YWHAQ: variants seen among roughly 807,000 people sequenced by gnomAD.
The protein encoded by YWHAQ is 14-3-3 protein theta.
In YWHAQ, 6 loss-of-function variants were observed where a neutral mutation model predicts 28.3. That is an observed-to-expected ratio of 0.21 (90% CI 0.12 to 0.42). The LOEUF (loss-of-function observed/expected upper bound fraction) is 0.42. YWHAQ is among the 10% of genes least tolerant of loss of function. The probability of loss-of-function intolerance (pLI) is 1.00; values close to 1 mark genes in which losing one functional copy is unlikely to be tolerated. For synonymous variants in YWHAQ, 143 were observed against 119.1 expected, an observed-to-expected ratio of 1.20 and a Z score of -1.31; for missense variants, 201 against 305.6, an observed-to-expected ratio of 0.66 and a Z score of 2.55.
At chr2:9,603,129 A>G (rs1430577879) in intron 2 of YWHAQ, among the ~76,000 whole-genome samples, 1 of 151,870 alleles carries the variant, frequency 6.6e-6, no homozygotes, top group African/African-American at 2.4e-5. Flanking sequence ...GCTAAAGTAT[A>G]AACACAACGT....
At chr2:9,595,307 T>C (rs1666547444) in intron 2 of YWHAQ, among the ~76,000 whole-genome samples, 1 of 152,210 alleles carries the variant, frequency 6.6e-6, no homozygotes. Context: ...CCAGATAGAA[T>C]ATAGCCTATA....
At chr2:9,604,249 C>CG (rs1666774164) in intron 2 of YWHAQ, among the ~76,000 whole-genome samples, 1 of 151,790 alleles carries the variant, frequency 6.6e-6, no homozygotes, top group African/African-American at 2.4e-5. Context: ...ACAGAAAATA[C>CG]GGGGGGAAAA....
chr2:9,614,412 G>A (rs1365172007), intron 2 of YWHAQ, among the ~76,000 whole-genome samples: 1 of 152,158 alleles, frequency 6.6e-6, no homozygotes, highest in African/African-American at 2.4e-5. Flanking sequence ...TTTGGGAAAG[G>A]CATCTGTTTT....
chr2:9,616,903 A>G (rs1448911916), intron 2 of YWHAQ, among the ~76,000 whole-genome samples: 1 of 152,242 alleles, frequency 6.6e-6, no homozygotes, highest in African/African-American at 2.4e-5. Context: ...TAAAGGTAGA[A>G]GCAACCCAAA....
chr2:9,622,459 T>C (rs945417426), intron 2 of YWHAQ, among the ~76,000 whole-genome samples: 6 of 152,218 alleles, frequency 3.9e-5, no homozygotes, highest in Admixed American at 2.0e-4. Flanking sequence ...TCAGTGTTTA[T>C]CAATTTTCCT....
intron 2 of YWHAQ, among the ~76,000 whole-genome samples, chr2:9,615,979 A>G (rs576432118): frequency 1.4e-4 from 21 of 152,322 alleles, no homozygotes; most frequent in African/African-American, 4.8e-4. Context: ...AAGTATTAAC[A>G]AGCTATAATT....
chr2:9,612,836 C>A (rs185301490), intron 2 of YWHAQ, among the ~76,000 whole-genome samples: 1 of 152,330 alleles, frequency 6.6e-6, no homozygotes, highest in East Asian at 1.9e-4. Flanking sequence ...AGATGCAGCA[C>A]TATTAGAGTG....
At chr2:9,599,214 T>C (rs1171710963) in intron 2 of YWHAQ, among the ~76,000 whole-genome samples, 2 of 152,034 alleles carry the variant, frequency 1.3e-5, no homozygotes, top group Admixed American at 1.3e-4. Flanking sequence ...ATAAGAAAAA[T>C]TTGAAGCTAG....
intron 5 of YWHAQ, among the ~76,000 whole-genome samples, chr2:9,586,221 T>C (rs966614247): frequency 1.3e-5 from 2 of 152,210 alleles, no homozygotes; most frequent in Admixed American, 1.3e-4. Flanking sequence ...GACAGGGTTC[T>C]TGAATTAGAC....
At chr2:9,611,569 AC>A (rs1250184178) in intron 2 of YWHAQ, among the ~76,000 whole-genome samples, 2 of 151,908 alleles carry the variant, frequency 1.3e-5, no homozygotes, top group Non-Finnish European at 2.9e-5. Context: ...TTTGGGAAAT[AC>A]CCCCCAACAC....
At chr2:9,614,129 G>A (rs185059881) in intron 2 of YWHAQ, among the ~76,000 whole-genome samples, 8 of 152,250 alleles carry the variant, frequency 5.3e-5, no homozygotes, top group East Asian at 3.9e-4. Context: ...GGCCATAACC[G>A]CAATATAAAA....
In YWHAQ at chr2:9,597,789, C is replaced by CT. The variant is rs1167972976; in HGVS notation, c.295-6275dup. On this transcript the variant is annotated intron_variant, in intron 2 of 5. Transcript: ENST00000238081. ...AAAATTTTCAGAGATAGAAGCAAAC[C>CT]TTTTTTTTTTTTTTATTGAGACAGA... 4.8e-3 allele frequency among the ~76,000 whole-genome samples: 673 copies of CT among 140,442 alleles called. 4 individuals are homozygous for CT. Among genetic ancestry groups the CT allele is most frequent in the South Asian group, 0.036 (159 of 4,388 alleles). 92.1% of individuals were successfully genotyped at this position (140,442 alleles called of 152,430 possible). A position where few individuals can be genotyped will look rare whatever the true frequency, so the allele number is the denominator to read the frequency against.
chr2:9,591,131 A>T (rs1409781821), intron 3 of YWHAQ, among the ~76,000 whole-genome samples: 1 of 152,244 alleles, frequency 6.6e-6, no homozygotes, highest in Non-Finnish European at 1.5e-5. Flanking sequence ...TAAAAAGCAT[A>T]AAAGATTAAT....
intron 2 of YWHAQ, among the ~76,000 whole-genome samples, chr2:9,620,155 A>G (rs1173438988): frequency 6.6e-6 from 1 of 152,212 alleles, no homozygotes; most frequent in Admixed American, 6.5e-5. Context: ...AAATTTATGT[A>G]AGTTCTTATC....
Position 9,587,318 on chromosome 2 carries a change from CGTAT to C in YWHAQ, c.678+92_678+95del, listed in dbSNP as rs1484666223. On this transcript the variant is annotated intron_variant, in intron 5 of 5. Transcript: ENST00000238081. Reference sequence around the variant, plus strand: ...TAACACGTATCTCATACTTTCAGCTCGTATGTATCTTCCCTAAAAGACACGAAGT... The same window carrying C: ...TAACACGTATCTCATACTTTCAGCTCGTATCTTCCCTAAAAGACACGAAGT... 10 of 1,066,842 alleles carry C rather than the reference CGTAT, an allele frequency of 9.4e-6. No individual in the cohort carries two copies. In the African/African-American group the frequency reaches 1.3e-4, roughly 14 times the overall value. 66.1% of individuals were successfully genotyped at this position (1,066,842 alleles called of 1,614,324 possible).
intron 2 of YWHAQ, among the ~76,000 whole-genome samples, chr2:9,623,417 A>G (rs1156821882): frequency 1.3e-5 from 2 of 152,190 alleles, no homozygotes; most frequent in Admixed American, 6.5e-5. Context: ...GCATGCAACA[A>G]CGATCTTCTT....
At chr2:9,621,472 GT>G (rs1396435784) in intron 2 of YWHAQ, among the ~76,000 whole-genome samples, 1 of 152,124 alleles carries the variant, frequency 6.6e-6, no homozygotes, top group African/African-American at 2.4e-5. Context: ...AACAATTACA[GT>G]GAACACCCCC....
At chr2:9,615,943 G>T (rs1667031453) in intron 2 of YWHAQ, among the ~76,000 whole-genome samples, 1 of 152,104 alleles carries the variant, frequency 6.6e-6, no homozygotes, top group African/African-American at 2.4e-5. Flanking sequence ...ACTGCACACT[G>T]GATGGTGCTA....
chr2:9,604,720 T>G (rs1429379431), intron 2 of YWHAQ, among the ~76,000 whole-genome samples: 1 of 152,170 alleles, frequency 6.6e-6, no homozygotes, highest in East Asian at 1.9e-4. Context: ...CTTGCGTATG[T>G]GTGGATTTCA....
Sources: allele counts gnomAD v4.1 joint callset (sites outside exome capture counted in the v4.1 genomes callset), GRCh38; gene constraint gnomAD v4.1.1; transcripts MANE v1.5; gene names NCBI Gene and HGNC (gene_info 2026-07-23, HGNC 2026-07-21).